Variants in MYH11 observed in about 807,000 individuals in gnomAD.
The protein encoded by MYH11 is myosin heavy chain 11.
A neutral mutation model predicts 246.6 loss-of-function variants in MYH11; 80 were observed. The ratio of observed to expected loss-of-function variants is 0.32; its 90% CI spans 0.27 to 0.39. MYH11 has a LOEUF of 0.39. Among genes scored for constraint, MYH11 ranks in the 10% least tolerant of loss-of-function variants. MYH11 has a pLI of 1.00. For synonymous variants in MYH11, 1,071 were observed against 1,015.5 expected (o/e 1.05, Z -1.04); for missense variants, 2,158 against 2,546.8 (o/e 0.85, Z 3.29).
At chr16:15,811,246 G>A (rs2043131062) in intron 3 of MYH11, among the ~76,000 whole-genome samples, 1 of 152,188 alleles carries the variant, frequency 6.6e-6, no homozygotes, top group African/African-American at 2.4e-5. Flanking sequence ...AAGCCACCCA[G>A]TCTATGGTAT....
rs766421052 is a variant in MYH11, at chr16:15,737,444, G to A, written c.3293+5C>T. On this transcript the variant is annotated splice_donor_5th_base_variant and intron_variant, in intron 25 of 40. Transcript: ENST00000300036. ...ACAGCAAATGCCCCTTGCCAGCCCC[G>A]CTACCTGGCCAGGGCCGCCTGCAGC... is the stretch of plus-strand genomic sequence containing the variant. The A allele has an allele frequency of 1.6e-5, 25 of 1,611,274 alleles. No homozygotes were observed. In the Admixed American group the frequency reaches 3.0e-4, roughly 19 times the overall value.
chr16:15,725,134 TAAAA>T (rs60544332), intron 28 of MYH11, 142 bp from the exon 29 acceptor site: 9 of 540,856 alleles, frequency 1.7e-5, no homozygotes, highest in Admixed American at 6.6e-5. Context: ...GGGACTCTGA[TAAAA>T]AAAAAAAAAA....
At chr16:15,820,976 G>A (rs1034845089) in intron 3 of MYH11, among the ~76,000 whole-genome samples, 4 of 152,134 alleles carry the variant, frequency 2.6e-5, no homozygotes, top group South Asian at 2.1e-4. Context: ...GGTCTCAAGC[G>A]ATCCTCCCAC....
In MYH11 at chr16:15,724,761, C is replaced by A. The variant is rs1414322836; in HGVS notation, c.4002G>T (p.Val1334=). 2 of 1,614,072 alleles carry A rather than the reference C, an allele frequency of 1.2e-6. No individual in the cohort carries two copies. The highest frequency in any genetic ancestry group is 2.7e-5 in the African/African-American group (2 of 74,922). The change falls in exon 30 of 41, where the codon GTG becomes GTT. Residue 1334 remains valine (V), a synonymous_variant. Coordinates refer to ENST00000300036, the MANE Select transcript of MYH11 (RefSeq NM_002474.3). ...LQEETRQKLN[V]STKLRQLEEE... is the part of the protein sequence containing the mutation. ...CCTCCAGCTGGCGCAGCTTCGTAGA[C>A]ACGTTGAGCTTCTGCCGGGTTTCTT...
chr16:15,720,850 G>A lies in MYH11; in HGVS notation c.4780C>T (p.Leu1594=), dbSNP rs1456391577. 7 of 1,613,670 alleles carry A rather than the reference G, an allele frequency of 4.3e-6. No individual in the cohort carries two copies. Among genetic ancestry groups the A allele is most frequent in the Middle Eastern group, 3.5e-4 (2 of 5,772 alleles). The change falls in exon 33 of 41, where the codon CTG becomes TTG. Residue 1594 remains leucine, a synonymous_variant. Transcript: ENST00000300036. ...DEQNEEKRRQ[L]QRQLHEYETE... is the part of the protein sequence containing the mutation. The stretch of plus-strand genomic sequence containing the variant: ...CCGGCAGCACGCACCTGTCTCTGCA[G>A]TTGCCTCCTCTTCTCCTCATTCTGC...
intron 23 of MYH11, 98 bp from the exon 24 acceptor site, chr16:15,738,786 A>G: frequency 1.4e-6 from 2 of 1,392,746 alleles, no homozygotes; most frequent in Non-Finnish European, 2.0e-6. Flanking sequence ...GTTGAAAGAA[A>G]AACCCACATT....
intron 9 of MYH11, among the ~76,000 whole-genome samples, chr16:15,769,457 G>A (rs919994038): frequency 1.3e-5 from 2 of 152,228 alleles, no homozygotes; most frequent in African/African-American, 4.8e-5. Flanking sequence ...CTGAGACTGC[G>A]CCACCGTACT....
intron 40 of MYH11, among the ~76,000 whole-genome samples, chr16:15,707,628 C>A (rs950034494): frequency 1.3e-5 from 2 of 152,168 alleles, no homozygotes; most frequent in Non-Finnish European, 2.9e-5. Context: ...TGAAGATGGA[C>A]ACAAATGAGG....
chr16:15,827,359 A>C (rs2043598884), intron 2 of MYH11, among the ~76,000 whole-genome samples: 1 of 152,232 alleles, frequency 6.6e-6, no homozygotes, highest in Non-Finnish European at 1.5e-5. Context: ...CAAGGTGTTA[A>C]CCAGCTCAAG....
At chr16:15,846,453 T>C (rs777612871) in intron 1 of MYH11, among the ~76,000 whole-genome samples, 7 of 152,158 alleles carry the variant, frequency 4.6e-5, no homozygotes, top group Admixed American at 2.0e-4. Context: ...GTCTCCGGTG[T>C]GCAATGATTG....
chr16:15,718,321 T>C lies in MYH11; in HGVS notation c.5289A>G (p.Thr1763=), dbSNP rs776233378. 13 of 1,609,038 alleles carry C rather than the reference T, an allele frequency of 8.1e-6. No individual in the cohort carries two copies. Among genetic ancestry groups the C allele is most frequent in the South Asian group, 6.6e-5 (6 of 91,054 alleles). Residue 1763 remains threonine, a synonymous_variant, in exon 37 of 41, where the codon ACA becomes ACG. Transcript: ENST00000300036. ...EAMSDRVRKA[T]QQAEQLSNEL... is the part of the protein sequence containing the mutation. ...GTGTCCAGGCGGCCCTCACCTGCTG[T>C]GTGGCTTTGCGGACCCGGTCGCTCA...
At chr16:15,772,876 C>A (rs1021496659) in intron 8 of MYH11, among the ~76,000 whole-genome samples, 1 of 152,140 alleles carries the variant, frequency 6.6e-6, no homozygotes, top group Non-Finnish European at 1.5e-5. Context: ...TGCACATGTG[C>A]CCTCCTTATA....
intron 37 of MYH11, 197 bp downstream of exon 37, chr16:15,718,118 G>T: frequency 1.2e-6 from 1 of 806,940 alleles, no homozygotes; most frequent in Non-Finnish European, 2.0e-6. Flanking sequence ...CTGCAGCGTG[G>T]AGAGGAGTAT....
At chr16:15,763,463 G>A (rs2041912064) in intron 10 of MYH11, among the ~76,000 whole-genome samples, 1 of 152,056 alleles carries the variant, frequency 6.6e-6, no homozygotes, top group South Asian at 2.1e-4. Context: ...CAAGGTGGGA[G>A]GATCACTTGA....
intron 27 of MYH11, among the ~76,000 whole-genome samples, chr16:15,729,550 ATTTTT>A (rs35507327): frequency 7.3e-6 from 1 of 137,008 alleles, no homozygotes; most frequent in Non-Finnish European, 1.6e-5. Flanking sequence ...TCCAACCATA[ATTTTT>A]TTTTTTTTTT....
chr16:15,785,960 C>A, intron 5 of MYH11: 1 of 175,362 alleles, frequency 5.7e-6, no homozygotes. Flanking sequence ...GGTCCCCACC[C>A]CAAGTGGTTC....
chr16:15,747,101 GGAA>G (rs1044564050), intron 19 of MYH11, among the ~76,000 whole-genome samples: 14 of 151,842 alleles, frequency 9.2e-5, no homozygotes, highest in African/African-American at 3.4e-4. Context: ...GTCTCAAAAA[GGAA>G]GAAGAAAGGA....
At chr16:15,714,689 G>A in intron 40 of MYH11, 1 of 628,472 alleles carries the variant, frequency 1.6e-6, no homozygotes, top group Admixed American at 2.8e-5. Flanking sequence ...ATCGTTAAAG[G>A]ATCTAGAAGG....
At chr16:15,840,821 T>C (rs1363601837) in intron 1 of MYH11, among the ~76,000 whole-genome samples, 1 of 152,214 alleles carries the variant, frequency 6.6e-6, no homozygotes, top group Non-Finnish European at 1.5e-5. Context: ...ATTTTTTAAG[T>C]TGAAAAAACT....
Sources: allele counts gnomAD v4.1 joint callset (sites outside exome capture counted in the v4.1 genomes callset), GRCh38; gene constraint gnomAD v4.1.1; transcripts MANE v1.5; gene names NCBI Gene and HGNC (gene_info 2026-07-23, HGNC 2026-07-21).